PREX1: variants seen among roughly 807,000 people sequenced by gnomAD.
The protein encoded by PREX1 is phosphatidylinositol 3,4,5-trisphosphate-dependent Rac exchanger 1 protein.
A neutral mutation model predicts 198.3 loss-of-function variants in PREX1; 41 were observed. The ratio of observed to expected loss-of-function variants is 0.21; its 90% CI spans 0.16 to 0.27. The LOEUF is 0.27. Ranked by LOEUF, PREX1 falls within the 10% of genes least tolerant of loss-of-function variation. PREX1 has a pLI of 1.00. For synonymous variants in PREX1, 843 were observed against 887.2 expected, an observed-to-expected ratio of 0.95 and a Z score of 0.89; for missense variants, 1,620 against 2,200.7, an observed-to-expected ratio of 0.74 and a Z score of 5.28.
At chr20:48,765,151 A>G (rs1220875708) in intron 1 of PREX1, among the ~76,000 whole-genome samples, 1 of 152,266 alleles carries the variant, frequency 6.6e-6, no homozygotes, top group Non-Finnish European at 1.5e-5. Context: ...AATCACGGCC[A>G]AACACAATCC....
intron 23 of PREX1, 86 bp from the exon 24 acceptor site, chr20:48,650,292 C>T (rs2089484186): frequency 1.5e-6 from 2 of 1,347,238 alleles, no homozygotes; most frequent in Non-Finnish European, 2.1e-6. Context: ...TTTATCCTGG[C>T]CTAGGCCAGA....
intron 1 of PREX1, among the ~76,000 whole-genome samples, chr20:48,796,076 T>C (rs2090361152): frequency 6.6e-6 from 1 of 152,222 alleles, no homozygotes; most frequent in African/African-American, 2.4e-5. Context: ...GGTTACCTCA[T>C]CCACAATGCA....
chr20:48,692,039 G>A (rs2089821984), intron 8 of PREX1, among the ~76,000 whole-genome samples: 1 of 152,108 alleles, frequency 6.6e-6, no homozygotes, highest in Non-Finnish European at 1.5e-5. Context: ...ACAGTTGCAC[G>A]CCACCATGTC....
rs1196773408 is a variant in PREX1, at chr20:48,693,461, G to A, written c.918-671C>T. Among the ~76,000 whole-genome samples, 4 of 152,266 alleles carry A rather than the reference G, an allele frequency of 2.6e-5. No individual in the cohort carries two copies. In the East Asian group the frequency reaches 5.8e-4, roughly 22 times the overall value. On this transcript the variant is annotated intron_variant, in intron 7 of 39. Coordinates refer to ENST00000371941, the MANE Select transcript of PREX1 (RefSeq NM_020820.4). Reference sequence around the variant, plus strand: ...AGAGCTGGCTCGCCTCTTCCACCACGGGAGGACACAGCAAGACGGCACCAT... The same window carrying A: ...AGAGCTGGCTCGCCTCTTCCACCACAGGAGGACACAGCAAGACGGCACCAT...
At chr20:48,753,501 C>T (rs1288230696) in intron 1 of PREX1, among the ~76,000 whole-genome samples, 2 of 152,166 alleles carry the variant, frequency 1.3e-5, no homozygotes, top group East Asian at 1.9e-4. Flanking sequence ...AGGGATGCTG[C>T]GAAACACCCT....
rs148537222 is a variant in PREX1 at position 48,742,030 on chromosome 20, G to T, written c.414+2995C>A. ...GAGATCTGATTGATGTTTCCAGCAGGTCTCTCTGTTGGCTCAGGGGAGAAC... is the reference window on the plus strand; with the variant it reads ...GAGATCTGATTGATGTTTCCAGCAGTTCTCTCTGTTGGCTCAGGGGAGAAC... On this transcript the variant is annotated intron_variant, in intron 3 of 39. Transcript: ENST00000371941. 1.4e-3 allele frequency among the ~76,000 whole-genome samples: 208 copies of T among 152,260 alleles called. 4 individuals are homozygous for T. The highest frequency in any genetic ancestry group is 0.013 in the East Asian group (65 of 5,182).
At position 48,645,862 on chromosome 20, in the gene PREX1, G is replaced by T. The variant is rs141398646; in HGVS notation, c.3501C>A (p.Arg1167=). The T allele has an allele frequency of 1.9e-6, 3 of 1,613,964 alleles. No individual in the cohort carries two copies. The highest frequency in any genetic ancestry group is 2.5e-6 in the Non-Finnish European group (3 of 1,180,010). Reference sequence around the variant, plus strand: ...ACGGTGACACCCACCTGTAGGAGTCGCGATAACTCATGGTGTCGTGGCCTG... The same window carrying T: ...ACGGTGACACCCACCTGTAGGAGTCTCGATAACTCATGGTGTCGTGGCCTG... ...EDSGHDTMSY[R]DSYSECNSNR... is the part of the protein sequence containing the mutation. Residue 1167 remains arginine, a synonymous_variant, in exon 26 of 40, where the codon CGC becomes CGA. Coordinates refer to ENST00000371941, the MANE Select transcript of PREX1 (RefSeq NM_020820.4).
At chr20:48,711,801 G>A (rs1016614660) in intron 5 of PREX1, among the ~76,000 whole-genome samples, 11 of 152,240 alleles carry the variant, frequency 7.2e-5, no homozygotes, top group African/African-American at 2.4e-4. Flanking sequence ...AAGGCCACAC[G>A]CCCAGTCTGC....
At chr20:48,745,233 C>T (rs1276292296) in intron 2 of PREX1, 86 bp from the exon 3 acceptor site, 5 of 1,424,298 alleles carry the variant, frequency 3.5e-6, no homozygotes, top group Middle Eastern at 1.9e-4. Context: ...AACCTCGGTG[C>T]GGGTGACATT....
At chr20:48,737,168 C>G (rs1482586459) in intron 3 of PREX1, among the ~76,000 whole-genome samples, 1 of 131,400 alleles carries the variant, frequency 7.6e-6, no homozygotes, top group African/African-American at 3.0e-5. Flanking sequence ...ACTTCATTAC[C>G]TTTTTTATTG....
intron 1 of PREX1, among the ~76,000 whole-genome samples, chr20:48,804,527 C>T (rs2145836): frequency 0.045 from 6,848 of 152,250 alleles, 186 homozygotes; most frequent in African/African-American, 0.056. Flanking sequence ...GCACTTTTGG[C>T]GAAGGAGTCA....
At chr20:48,712,450 C>A (rs1157882418) in intron 5 of PREX1, among the ~76,000 whole-genome samples, 1 of 152,226 alleles carries the variant, frequency 6.6e-6, no homozygotes, top group Admixed American at 6.5e-5. Context: ...GGGTCCATGG[C>A]ACCCCTCTGA....
upstream of PREX1, among the ~76,000 whole-genome samples, chr20:48,832,486 G>A (rs1301416710): frequency 6.6e-6 from 1 of 152,164 alleles, no homozygotes; most frequent in African/African-American, 2.4e-5. Flanking sequence ...CTGCCCGAGG[G>A]TGCCATCATT....
chr20:48,869,476 T>C, the PREX1 span, among the ~76,000 whole-genome samples: 1 of 152,014 alleles, frequency 6.6e-6, no homozygotes, highest in South Asian at 2.1e-4. Flanking sequence ...ATGACCCATA[T>C]TTGATTTAAC....
At chr20:48,838,993 C>CAAAAAAAAA in the PREX1 span, among the ~76,000 whole-genome samples, 8 of 23,042 alleles carry the variant, frequency 3.5e-4, no homozygotes, top group African/African-American at 1.3e-3. Flanking sequence ...GACTCTGTCT[C>CAAAAAAAAA]AAAAAAAAAA....
At chr20:48,833,085 T>A in the PREX1 span, among the ~76,000 whole-genome samples, 1 of 152,238 alleles carries the variant, frequency 6.6e-6, no homozygotes, top group African/African-American at 2.4e-5. Flanking sequence ...AATATCCATA[T>A]CTGTAAAATG....
intron 14 of PREX1, among the ~76,000 whole-genome samples, chr20:48,667,138 CTACA>C (rs2089645870): frequency 6.6e-6 from 1 of 152,164 alleles, no homozygotes; most frequent in Non-Finnish European, 1.5e-5. Flanking sequence ...TCACTTTAGA[CTACA>C]AGGTGCCCTC....
In PREX1 at chr20:48,630,762, G is replaced by A. The variant is rs145895841; in HGVS notation, c.4559C>T (p.Thr1520Met). The change falls in exon 36 of 40, where the codon ACG (threonine) becomes ATG (methionine). Residue 1520 changes from threonine to methionine, a missense_variant. Physicochemically the swap from Thr to Met is moderately conservative, Grantham distance 81. Around this residue, in one of 7 missense-constraint regions of PREX1, gnomAD observed 476 missense variants for 603.4 expected, o/e 0.79. Transcript: ENST00000371941. ...CTTTACCGCCGTGGTGCTGGCATCC[G>A]TGGGCAGGTTAGACCGCTCCAGGTA... is the stretch of plus-strand genomic sequence containing the variant. ...AFYLERSNLP[T>M]DASTTAVKID... The A allele has an allele frequency of 1.4e-4, 227 of 1,599,896 alleles. No individual in the cohort carries two copies. The highest frequency in any genetic ancestry group is 1.9e-4 in the Non-Finnish European group (221 of 1,167,174).
the PREX1 span, among the ~76,000 whole-genome samples, chr20:48,844,533 A>C: frequency 3.3e-5 from 5 of 152,198 alleles, no homozygotes; most frequent in Non-Finnish European, 5.9e-5. Context: ...CTTGATGGAA[A>C]TCTGCTGGAG....
Sources: gnomAD v4.1 joint callset for allele counts (sites outside exome capture counted in the v4.1 genomes callset) on GRCh38, gnomAD v4.1.1 for gene constraint, gnomAD v4.1.1 regional missense constraint, MANE v1.5 for transcripts, NCBI Gene and HGNC (gene_info 2026-07-23, HGNC 2026-07-21) for gene names.